The following RSF1 variants were observed in gnomAD, a reference collection of about 807,000 sequenced individuals.
RSF1 encodes remodeling and spacing factor 1.
Under a neutral mutation model 145.2 loss-of-function variants are expected in RSF1, and 13 were observed. The observed-to-expected ratio is 0.09, with a 90% confidence interval of 0.06 to 0.14. The LOEUF is 0.14. RSF1 is among the 10% of genes least tolerant of loss of function. The pLI, the probability that RSF1 is intolerant of heterozygous loss-of-function variation, is 1.00. For synonymous variants in RSF1, 577 were observed against 592.6 expected (o/e 0.97, Z 0.38); for missense variants, 1,517 against 1,718.2 (o/e 0.88, Z 2.07).
intron 5 of RSF1, chr11:77,703,578 A>C (rs1440734580): frequency 6.6e-6 from 1 of 152,198 alleles, no homozygotes; most frequent in Non-Finnish European, 1.5e-5. Context: ...AAAAGTGAGA[A>C]GATAAAGCAG....
At chr11:77,669,802 A>C (rs1401676445) in intron 15 of RSF1, among the ~76,000 whole-genome samples, 3 of 152,216 alleles carry the variant, frequency 2.0e-5, no homozygotes, top group Non-Finnish European at 4.4e-5. Flanking sequence ...GACAATATGT[A>C]AACAAATTGG....
At chr11:77,860,441 G>C in the RSF1 span, among the ~76,000 whole-genome samples, 4 of 152,248 alleles carry the variant, frequency 2.6e-5, no homozygotes. Flanking sequence ...GATAATTTTA[G>C]CCCTAAGTAT....
rs766989549 is a variant in RSF1, at chr11:77,818,772, C to T, written c.187+1756G>A. On this transcript the variant is annotated intron_variant, in intron 1 of 15. Coordinates refer to ENST00000308488, the MANE Select transcript of RSF1 (RefSeq NM_016578.4). The stretch of plus-strand genomic sequence containing the variant: ...CCTGCCTGGGCAACAGAGTGAGACT[C>T]CGTCTCAAAAAACAAATAAAAATAA... 4.0e-4 allele frequency among the ~76,000 whole-genome samples: 61 copies of T among 151,980 alleles called. 1 individual carries two copies. Among genetic ancestry groups the T allele is most frequent in the Admixed American group, 1.0e-3 (16 of 15,262 alleles).
rs1183214444 is a variant in RSF1, at chr11:77,810,585, G to A, written c.187+9943C>T. On this transcript the variant is annotated intron_variant, in intron 1 of 15. Coordinates refer to ENST00000308488, the MANE Select transcript of RSF1 (RefSeq NM_016578.4). ...TTATTTTTTGGGGGGGAGATGGGTGGAGTCTCCCTCTGTTGCCCAGATTGG... is the reference window on the plus strand; with the variant it reads ...TTATTTTTTGGGGGGGAGATGGGTGAAGTCTCCCTCTGTTGCCCAGATTGG... 2.6e-5 allele frequency among the ~76,000 whole-genome samples: 4 copies of A among 152,014 alleles called. No homozygotes were observed. In the East Asian group the frequency reaches 7.7e-4, roughly 29 times the overall value.
intron 7 of RSF1, 54 bp from the exon 8 acceptor site, chr11:77,693,665 T>C: frequency 7.9e-7 from 1 of 1,258,328 alleles, no homozygotes; most frequent in Non-Finnish European, 1.2e-6. Context: ...CAATGACTCT[T>C]AGGTTAAAGA....
intron 5 of RSF1, chr11:77,703,641 T>C (rs1960475471): frequency 6.6e-6 from 1 of 152,206 alleles, no homozygotes; most frequent in Non-Finnish European, 1.5e-5. Flanking sequence ...TGTACAATGA[T>C]GTTGCAAATA....
chr11:77,808,152 G>T (rs188972989), intron 1 of RSF1, among the ~76,000 whole-genome samples: 10 of 152,152 alleles, frequency 6.6e-5, no homozygotes, highest in Admixed American at 6.5e-4. Context: ...TGGACAACAT[G>T]GTGAAACCCT....
At chr11:77,780,960 T>A (rs1948397392) in intron 1 of RSF1, among the ~76,000 whole-genome samples, 1 of 152,212 alleles carries the variant, frequency 6.6e-6, no homozygotes, top group Non-Finnish European at 1.5e-5. Context: ...TTTGTAGAGT[T>A]TCATATAATA....
intron 5 of RSF1, chr11:77,718,369 C>T (rs1325157417): frequency 6.6e-6 from 1 of 152,140 alleles, no homozygotes; most frequent in Non-Finnish European, 1.5e-5. Context: ...GAATATATAG[C>T]TGCACATCTC....
At chr11:77,821,687 A>G (rs1948911008), upstream of RSF1, among the ~76,000 whole-genome samples, 1 of 151,788 alleles carries the variant, frequency 6.6e-6, no homozygotes, top group African/African-American at 2.4e-5. Flanking sequence ...ACGGTGGAGC[A>G]GCGAAAAGTT....
Position 77,785,399 on chromosome 11 carries a change from C to T in RSF1, c.188-20710G>A, listed in dbSNP as rs574738968. ...GAGATCAGGAGTTTGAGACCAGCCTCGCCAACATGGTGAAACTGTGTCTCT... is the reference window on the plus strand; with the variant it reads ...GAGATCAGGAGTTTGAGACCAGCCTTGCCAACATGGTGAAACTGTGTCTCT... On this transcript the variant is annotated intron_variant, in intron 1 of 15. Transcript: ENST00000308488. 9.9e-5 allele frequency among the ~76,000 whole-genome samples: 15 copies of T among 151,950 alleles called. No homozygotes were observed. The East Asian group carries it at 2.3e-3, about 24-fold the overall frequency.
intron 1 of RSF1, among the ~76,000 whole-genome samples, chr11:77,771,689 A>G (rs191886611): frequency 1.3e-5 from 2 of 152,314 alleles, no homozygotes; most frequent in Admixed American, 6.5e-5. Context: ...ACAAAATTGT[A>G]CTAACGCTGA....
chr11:77,830,987 CAAAAAAAAAA>C, the RSF1 span, among the ~76,000 whole-genome samples: 16 of 100,516 alleles, frequency 1.6e-4, 1 homozygote, highest in East Asian at 1.8e-3. Context: ...CAAAATATAC[CAAAAAAAAAA>C]AAAAAAAAAA....
the RSF1 span, among the ~76,000 whole-genome samples, chr11:77,863,603 G>T: frequency 6.6e-6 from 1 of 152,108 alleles, no homozygotes. Context: ...TGGCCAGGAT[G>T]GTCTTGAACT....
At position 77,672,080 on chromosome 11, in the gene RSF1, C is replaced by T. The variant is rs535402776; in HGVS notation, c.3713G>A (p.Arg1238Gln). 43 of 1,613,884 alleles carry T rather than the reference C, an allele frequency of 2.7e-5. 2 individuals carry two copies. The South Asian group carries it at 3.0e-4, about 11-fold the overall frequency. The stretch of plus-strand genomic sequence containing the variant: ...GCTGGAAAGTCTTCGCTTGTGTACT[C>T]GCCTTATTTCTTTACCACGTCGCAA... ...KSLRRGKEIRRVHKRRLSSSE... is the reference protein window; with the variant it reads ...KSLRRGKEIRQVHKRRLSSSE... Residue 1238 changes from arginine (R) to glutamine (Q), a missense_variant, in exon 15 of 16, where the codon CGA (arginine) becomes CAA (glutamine). Around this residue, in one of 12 missense-constraint regions of RSF1, gnomAD observed 240 missense variants for 231.8 expected, o/e 1.04. Transcript: ENST00000308488.
At chr11:77,674,353 T>A (rs1959635354) in intron 14 of RSF1, among the ~76,000 whole-genome samples, 1 of 152,224 alleles carries the variant, frequency 6.6e-6, no homozygotes, top group Non-Finnish European at 1.5e-5. Flanking sequence ...TTAATAGGGA[T>A]AAGCATACTC....
At chr11:77,733,074 T>A (rs1481762345) in intron 4 of RSF1, among the ~76,000 whole-genome samples, 2 of 152,242 alleles carry the variant, frequency 1.3e-5, no homozygotes, top group South Asian at 4.1e-4. Context: ...TTTTCATTTC[T>A]CTAATATAAA....
the RSF1 span, among the ~76,000 whole-genome samples, chr11:77,832,622 G>A: frequency 5.3e-5 from 8 of 151,856 alleles, no homozygotes; most frequent in Non-Finnish European, 1.2e-4. Context: ...CACCGCGCCT[G>A]GCCATAGAGG....
intron 3 of RSF1, among the ~76,000 whole-genome samples, chr11:77,745,834 A>ATGCC (rs1454762490): frequency 6.6e-6 from 1 of 151,818 alleles, no homozygotes; most frequent in African/African-American, 2.4e-5. Context: ...TATAGCCCTT[A>ATGCC]TGCCTTTGCC....
Sources: gnomAD v4.1 joint callset for allele counts (sites outside exome capture counted in the v4.1 genomes callset) on GRCh38, gnomAD v4.1.1 for gene constraint, gnomAD v4.1.1 regional missense constraint, MANE v1.5 for transcripts, NCBI Gene and HGNC (gene_info 2026-07-23, HGNC 2026-07-21) for gene names.